IQSEC1: variants seen among roughly 807,000 people sequenced by gnomAD.
IQSEC1 encodes the protein IQ motif and SEC7 domain-containing protein 1.
IQSEC1 carries 31 observed loss-of-function variants against 91.0 expected under a neutral mutation model. That is an observed-to-expected ratio of 0.34 (90% CI 0.26 to 0.46). IQSEC1 has a LOEUF of 0.46. Ranked by LOEUF, IQSEC1 falls within the 20% of genes least tolerant of loss-of-function variation. The pLI, the probability that IQSEC1 is intolerant of heterozygous loss-of-function variation, is 1.00. For missense variants in IQSEC1, 1,388 were observed against 1,575.6 expected (o/e 0.88, Z 2.02); for synonymous variants, 699 against 662.6 (o/e 1.05, Z -0.84).
intron 2 of IQSEC1, among the ~76,000 whole-genome samples, chr3:13,113,229 G>A (rs945206582): frequency 1.3e-5 from 2 of 152,112 alleles, no homozygotes; most frequent in Non-Finnish European, 2.9e-5. Flanking sequence ...GCCTTGGTCT[G>A]GGGGAGGCAA....
intron 2 of IQSEC1, among the ~76,000 whole-genome samples, chr3:13,162,380 GTCCATGTGGGAA>G (rs1707194679): frequency 6.6e-6 from 1 of 152,194 alleles, no homozygotes; most frequent in African/African-American, 2.4e-5. Context: ...GCCCCTCCGA[GTCCATGTGGGAA>G]TCCCCTTCCA....
intron 1 of IQSEC1, among the ~76,000 whole-genome samples, chr3:13,014,171 T>A (rs946402229): frequency 2.0e-5 from 3 of 152,134 alleles, no homozygotes; most frequent in Admixed American, 1.3e-4. Flanking sequence ...CAACAGCCCC[T>A]GGCTCACTGG....
intron 3 of IQSEC1, among the ~76,000 whole-genome samples, chr3:12,930,825 G>A (rs1697604528): frequency 6.6e-6 from 1 of 152,166 alleles, no homozygotes; most frequent in Non-Finnish European, 1.5e-5. Flanking sequence ...GTGGTCAGAG[G>A]TCTGAGCCCT....
chr3:12,942,469 G>A (rs1698842548), intron 1 of IQSEC1, among the ~76,000 whole-genome samples: 1 of 152,142 alleles, frequency 6.6e-6, no homozygotes, highest in African/African-American at 2.4e-5. Context: ...CGGGCGTGGT[G>A]GTGGTCGCCT....
chr3:13,107,284 A>G (rs1706165916), intron 2 of IQSEC1, among the ~76,000 whole-genome samples: 1 of 152,214 alleles, frequency 6.6e-6, no homozygotes, highest in African/African-American at 2.4e-5. Flanking sequence ...GCCCTTTCCT[A>G]CTTACAAGCT....
chr3:12,952,325 G>A (rs555212861), intron 1 of IQSEC1, among the ~76,000 whole-genome samples: 1 of 152,166 alleles, frequency 6.6e-6, no homozygotes, highest in Admixed American at 6.5e-5. Flanking sequence ...GCGGGGTGCA[G>A]TTGGGGTCCT....
At chr3:13,264,354 G>A (rs139330282) in intron 1 of IQSEC1, among the ~76,000 whole-genome samples, 1 of 152,216 alleles carries the variant, frequency 6.6e-6, no homozygotes, top group Non-Finnish European at 1.5e-5. Flanking sequence ...GAGGCCGAGG[G>A]CTCTAAGGAC....
At chr3:13,187,595 C>T (rs1418905206) in intron 1 of IQSEC1, among the ~76,000 whole-genome samples, 6 of 152,110 alleles carry the variant, frequency 3.9e-5, no homozygotes, top group African/African-American at 1.4e-4. Context: ...CTGCTGTATC[C>T]CAGGACCTAG....
chr3:13,060,909 A>G (rs1351418909), intron 1 of IQSEC1, among the ~76,000 whole-genome samples: 1 of 151,812 alleles, frequency 6.6e-6, no homozygotes, highest in Non-Finnish European at 1.5e-5. Flanking sequence ...CCCAGGGGGG[A>G]GCCTTGAGAG....
At chr3:13,156,067 A>G (rs1240891248) in intron 2 of IQSEC1, among the ~76,000 whole-genome samples, 1 of 54,198 alleles carries the variant, frequency 1.8e-5, no homozygotes, top group Non-Finnish European at 3.5e-5. Context: ...AAAAATACAA[A>G]AAAAAAAAAA....
In IQSEC1 at chr3:13,211,621, A is replaced by C. The variant is rs1200122688; in HGVS notation, c.273-47488T>G. On this transcript the variant is annotated intron_variant, in intron 1 of 15. Transcript: ENST00000648114. The surrounding 1 kb of genome is among the most constrained non-coding windows in gnomAD (Gnocchi z 5.3). Reference sequence around the variant, plus strand: ...CTTGCCTCTCCATGGCCCCAAAAGAAAGTCTGATCCCCTCAGCCTATCCCT... The same window carrying C: ...CTTGCCTCTCCATGGCCCCAAAAGACAGTCTGATCCCCTCAGCCTATCCCT... Among the ~76,000 whole-genome samples the C allele has an allele frequency of 6.6e-6, 1 of 152,068 alleles. No homozygotes were observed. Among genetic ancestry groups the C allele is most frequent in the Non-Finnish European group, 1.5e-5 (1 of 67,996 alleles).
chr3:12,952,951 G>A lies in IQSEC1; in HGVS notation c.24-11086C>T, dbSNP rs114924716. On this transcript the variant is annotated intron_variant, in intron 1 of 13. Coordinates refer to ENST00000613206, the MANE Select transcript of IQSEC1 (RefSeq NM_001134382.3). ...ATGGTGACAGGCAGCGACCCTGGCC[G>A]GAGGAAGAGGTCGGGCTCGTGGGTG... is the stretch of plus-strand genomic sequence containing the variant. Among the ~76,000 whole-genome samples, 1,364 of 152,354 alleles carry A rather than the reference G, an allele frequency of 9.0e-3. 10 individuals carry two copies. The highest frequency in any genetic ancestry group is 0.015 in the Non-Finnish European group (1,043 of 68,038).
intron 1 of IQSEC1, among the ~76,000 whole-genome samples, chr3:13,181,354 C>T (rs996669272): frequency 1.3e-5 from 2 of 152,152 alleles, no homozygotes; most frequent in African/African-American, 2.4e-5. Flanking sequence ...ACAAGTATGG[C>T]GACTTCAATA....
chr3:13,115,064 GTGCGGCCTTGAA>G (rs975211234), intron 2 of IQSEC1, among the ~76,000 whole-genome samples: 2 of 152,186 alleles, frequency 1.3e-5, no homozygotes, highest in African/African-American at 2.4e-5. Flanking sequence ...GGAAGCTCAG[GTGCGGCCTTGAA>G]TGTAGAGCCA....
At chr3:13,148,711 C>A (rs1462509691) in intron 2 of IQSEC1, among the ~76,000 whole-genome samples, 1 of 152,238 alleles carries the variant, frequency 6.6e-6, no homozygotes, top group East Asian at 1.9e-4. Context: ...CCTGTCCCTG[C>A]CTCTCCATGC....
At chr3:13,045,781 ACAGGAG>A (rs1302102822) in intron 1 of IQSEC1, among the ~76,000 whole-genome samples, 4 of 152,174 alleles carry the variant, frequency 2.6e-5, no homozygotes, top group Non-Finnish European at 5.9e-5. Flanking sequence ...CTCAGCCCCT[ACAGGAG>A]CCTCCTCAGC....
chr3:13,172,955 T>C lies in IQSEC1; in HGVS notation c.273-8822A>G, dbSNP rs377298631. Among the ~76,000 whole-genome samples the C allele has an allele frequency of 7.4e-4, 112 of 152,278 alleles. 5 individuals carry two copies. The South Asian group carries it at 0.011, about 15-fold the overall frequency. On this transcript the variant is annotated intron_variant, in intron 1 of 15. Transcript: ENST00000648114. ...AGGCTGTGTTCTATCCCCTGCACTG[T>C]GGGCAAAGATCACCCTGTGAGAAAC...
At chr3:12,971,989 T>C (rs1026229393) in intron 1 of IQSEC1, among the ~76,000 whole-genome samples, 2 of 150,054 alleles carry the variant, frequency 1.3e-5, no homozygotes, top group Admixed American at 1.3e-4. Flanking sequence ...ACTCCAGCCC[T>C]GGCAACAGGG....
chr3:13,028,718 A>C (rs892414656), intron 1 of IQSEC1, among the ~76,000 whole-genome samples: 5 of 152,230 alleles, frequency 3.3e-5, no homozygotes, highest in African/African-American at 1.2e-4. Context: ...GGCAGATGGT[A>C]CTGGGTTTGA....
Sources: allele counts gnomAD v4.1 joint callset (sites outside exome capture counted in the v4.1 genomes callset), GRCh38; gene constraint gnomAD v4.1.1; non-coding constraint Gnocchi (gnomAD v3.1); transcripts MANE v1.5; gene names NCBI Gene and HGNC (gene_info 2026-07-23, HGNC 2026-07-21).